The following ARHGAP23 variants were observed in gnomAD, a reference collection of about 807,000 sequenced individuals.
ARHGAP23 encodes the protein Rho GTPase activating protein 23, also known as rho GTPase-activating protein 23.
Under a neutral mutation model 136.3 loss-of-function variants are expected in ARHGAP23, and 34 were observed. That is an observed-to-expected ratio of 0.25 (90% CI 0.19 to 0.33). The LOEUF (loss-of-function observed/expected upper bound fraction) is 0.33, where lower values mean the gene tolerates loss of function less well. ARHGAP23 is among the 10% of genes least tolerant of loss of function. The pLI, the probability that ARHGAP23 is intolerant of heterozygous loss-of-function variation, is 1.00. For synonymous variants in ARHGAP23, 832 were observed against 920.5 expected, an observed-to-expected ratio of 0.90 and a Z score of 1.74; for missense variants, 1,808 against 2,139.0, an observed-to-expected ratio of 0.85 and a Z score of 3.05.
intron 18 of ARHGAP23, 36 bp downstream of exon 18, chr17:38,490,211 G>C: frequency 6.5e-7 from 1 of 1,540,636 alleles, no homozygotes; most frequent in Non-Finnish European, 8.8e-7. Context: ...CACGAGGTGG[G>C]GCAGCTGCCT....
chr17:38,474,244 C>T (rs865865763), intron 11 of ARHGAP23, among the ~76,000 whole-genome samples: 9 of 152,168 alleles, frequency 5.9e-5, no homozygotes, highest in Non-Finnish European at 1.2e-4. Context: ...TAAATGTGGG[C>T]TGGGGATGGC....
At position 38,510,442 on chromosome 17, in the gene ARHGAP23, G is replaced by A. The variant is rs1173895889; in HGVS notation, c.3946G>A (p.Asp1316Asn). Residue 1316 changes from aspartate (D) to asparagine (N), a missense_variant, in exon 24 of 24, where the codon GAC (aspartate) becomes AAC (asparagine). Physicochemically the swap from Asp to Asn is conservative, Grantham distance 23. Around this residue, in one of 7 missense-constraint regions of ARHGAP23, gnomAD observed 506 missense variants for 455.8 expected, o/e 1.11. Transcript: ENST00000622683. This position sits in a 1 kb window ranked among gnomAD's most constrained non-coding sequence, Gnocchi z 4.6. ...SFSSHHLMPCDTLARRRLARG... is the reference protein window; with the variant it reads ...SFSSHHLMPCNTLARRRLARG... The stretch of plus-strand genomic sequence containing the variant: ...CAGCTCGCACCACCTCATGCCCTGC[G>A]ACACTCTGGCGCGCCGCCGCCTGGC... 9 of 1,217,566 alleles carry A rather than the reference G, an allele frequency of 7.4e-6. No individual in the cohort carries two copies. Among genetic ancestry groups the A allele is most frequent in the Non-Finnish European group, 8.2e-6 (8 of 979,454 alleles). The allele number at this position is 1,217,566 out of a possible 1,614,324, so 75.4% of individuals were successfully genotyped here.
intron 1 of ARHGAP23, among the ~76,000 whole-genome samples, chr17:38,457,075 AATTTTTGT>A (rs2039342944): frequency 6.6e-6 from 1 of 152,156 alleles, no homozygotes; most frequent in Non-Finnish European, 1.5e-5. Flanking sequence ...ATGCCCGGCT[AATTTTTGT>A]ATTTTTGGTA....
chr17:38,498,351 C>T, intron 21 of ARHGAP23, 63 bp from the exon 22 acceptor site: 1 of 1,377,976 alleles, frequency 7.3e-7, no homozygotes, highest in South Asian at 1.3e-5. Flanking sequence ...GGGCACCCCC[C>T]TCTGGGGGGT....
intron 20 of ARHGAP23, among the ~76,000 whole-genome samples, chr17:38,493,782 G>A (rs1195915501): frequency 6.6e-6 from 1 of 152,216 alleles, no homozygotes; most frequent in Non-Finnish European, 1.5e-5. Context: ...GACTTGCCCA[G>A]GGCCACGCAG....
intron 23 of ARHGAP23, among the ~76,000 whole-genome samples, chr17:38,504,023 AG>A (rs893179126): frequency 6.6e-6 from 1 of 152,192 alleles, no homozygotes; most frequent in African/African-American, 2.4e-5. Context: ...TGGGGAACCA[AG>A]GCTCAGAGAA....
chr17:38,441,745 G>A (rs767105197), intron 1 of ARHGAP23, among the ~76,000 whole-genome samples: 21 of 152,168 alleles, frequency 1.4e-4, no homozygotes, highest in Non-Finnish European at 2.5e-4. Flanking sequence ...AAGGGAAGAA[G>A]GGGACGGGGA....
chr17:38,482,502 A>G, intron 15 of ARHGAP23, 21 bp from the exon 16 acceptor site: 1 of 1,522,686 alleles, frequency 6.6e-7, no homozygotes, highest in Non-Finnish European at 8.9e-7. Context: ...CCCCCCTAAC[A>G]CCCCTCCCAT....
rs12952572 is a variant in ARHGAP23, at chr17:38,479,407, A to G, written c.2437-29A>G. On this transcript the variant is annotated intron_variant, in intron 12 of 23. Coordinates refer to ENST00000622683, the MANE Select transcript of ARHGAP23 (RefSeq NM_001199417.2). ...GGGTGGGCTGGCTGTGGGCACTGAC[A>G]TGATCCGCTCTCTCCTCTCCTGCTT... 921 of 1,535,330 alleles carry G rather than the reference A, an allele frequency of 6.0e-4. 7 individuals carry two copies. The African/African-American group carries it at 0.011, about 19-fold the overall frequency.
Position 38,419,903 on chromosome 17 carries a change from G to A in ARHGAP23, n.120+504G>A, listed in dbSNP as rs559424019. 1.1e-4 allele frequency among the ~76,000 whole-genome samples: 16 copies of A among 152,246 alleles called. No individual in the cohort carries two copies. The South Asian group carries it at 3.3e-3, about 32-fold the overall frequency. ...CCTACACATCAAGGGGTTTCTTCCA[G>A]CCCGGCTCCCCTCCTTTCCCAGTCA... On this transcript the variant is annotated intron_variant and non_coding_transcript_variant, in intron 1 of 4. Transcript: ENST00000633445.
At chr17:38,421,084 A>T (rs1349161184) in intron 1 of ARHGAP23, among the ~76,000 whole-genome samples, 1 of 151,998 alleles carries the variant, frequency 6.6e-6, no homozygotes, top group African/African-American at 2.4e-5. Context: ...TGTTCTGGGG[A>T]TCAGCCGCTT....
In ARHGAP23 at chr17:38,478,233, G is replaced by A. The variant is rs372090985; in HGVS notation, c.2436+337G>A. Among the ~76,000 whole-genome samples the A allele has an allele frequency of 1.3e-3, 202 of 152,276 alleles. 5 individuals are homozygous for A. Among genetic ancestry groups the A allele is most frequent in the Admixed American group, 0.013 (198 of 15,302 alleles). ...CCAGTCTCAGCTTTTCTCAGCAGGC[G>A]AGGAAGGCAGGGGCCTCCTATGGAG... On this transcript the variant is annotated intron_variant, in intron 12 of 23. Coordinates refer to ENST00000622683, the MANE Select transcript of ARHGAP23 (RefSeq NM_001199417.2).
At chr17:38,485,146 T>A (rs2040132174) in intron 16 of ARHGAP23, among the ~76,000 whole-genome samples, 1 of 151,986 alleles carries the variant, frequency 6.6e-6, no homozygotes, top group African/African-American at 2.4e-5. Context: ...TCAGTGGACA[T>A]TTTGGGAAGA....
chr17:38,498,478 G>T lies in ARHGAP23; in HGVS notation c.3383G>T (p.Gly1128Val). Reference protein sequence around the residue: ...PNIEYLLPNIGRTVPPGDPGS... With the variant: ...PNIEYLLPNIVRTVPPGDPGS... ...ATTGAGTACCTCCTGCCCAACATTG[G>T]CAGGACAGTGCCCCCTGGCGACCCG... Residue 1128 changes from glycine (G) to valine (V), a missense_variant, in exon 22 of 24, where the codon GGC becomes GTC. Physicochemically the swap from Gly to Val is moderately radical, Grantham distance 109. This residue lies in a region of ARHGAP23 where 104 missense variants were observed against 131.8 expected (regional missense o/e 0.79). Coordinates refer to ENST00000622683, the MANE Select transcript of ARHGAP23 (RefSeq NM_001199417.2). 1 of 1,548,478 alleles carries T rather than the reference G, an allele frequency of 6.5e-7. No homozygotes were observed. Among genetic ancestry groups the T allele is most frequent in the Non-Finnish European group, 8.7e-7 (1 of 1,146,254 alleles).
Position 38,510,928 on chromosome 17 carries a change from C to G in ARHGAP23, c.4432C>G (p.Pro1478Ala). 1 of 1,472,792 alleles carries G rather than the reference C, an allele frequency of 6.8e-7. No homozygotes were observed. Among genetic ancestry groups the G allele is most frequent in the Non-Finnish European group, 8.9e-7 (1 of 1,123,320 alleles). The allele number at this position is 1,472,792 out of a possible 1,614,324, so 91.2% of individuals were successfully genotyped here. Residue 1478 changes from proline to alanine, a missense_variant, in exon 24 of 24, where the codon CCC becomes GCC. By Grantham distance (27) the Pro-to-Ala change is conservative (BLOSUM62 -1). Coordinates refer to ENST00000622683, the MANE Select transcript of ARHGAP23 (RefSeq NM_001199417.2). The surrounding 1 kb of genome is among the most constrained non-coding windows in gnomAD (Gnocchi z 4.6). The part of the protein sequence containing the change: ...PGDTGSLQSQ[P>A]PRRSAASRLH... The stretch of plus-strand genomic sequence containing the variant: ...GGACACGGGGTCCCTGCAGAGCCAG[C>G]CCCCGCGCCGCTCGGCCGCCTCCCG...
At chr17:38,420,141 G>A (rs1273966974) in intron 1 of ARHGAP23, among the ~76,000 whole-genome samples, 1 of 152,186 alleles carries the variant, frequency 6.6e-6, no homozygotes, top group Admixed American at 6.5e-5. Context: ...TCTGGTCAGA[G>A]TTCTCATTCC....
chr17:38,508,665 G>A (rs1181203292), intron 23 of ARHGAP23, among the ~76,000 whole-genome samples: 5 of 152,208 alleles, frequency 3.3e-5, no homozygotes, highest in African/African-American at 7.2e-5. Flanking sequence ...AGGGCCTGCC[G>A]GAGGAGGAGG....
chr17:38,462,872 C>T lies in ARHGAP23; in HGVS notation c.280C>T (p.Pro94Ser), dbSNP rs2039494150. 2 of 1,530,622 alleles carry T rather than the reference C, an allele frequency of 1.3e-6. No individual in the cohort carries two copies. Among genetic ancestry groups the T allele is most frequent in the Non-Finnish European group, 8.8e-7 (1 of 1,140,650 alleles). The allele number at this position is 1,530,622 out of a possible 1,614,324, so 94.8% of individuals were successfully genotyped here. Reference sequence around the variant, plus strand: ...ACCCTCCCCCCGGTACCGCCTGGAGCCCATGGACACCATCTTTGTCAAGAA... The same window carrying T: ...ACCCTCCCCCCGGTACCGCCTGGAGTCCATGGACACCATCTTTGTCAAGAA... Reference protein sequence around the residue: ...GGPSPRYRLEPMDTIFVKNVK... With the variant: ...GGPSPRYRLESMDTIFVKNVK... The change falls in exon 4 of 24, where the codon CCC (proline) becomes TCC (serine). Residue 94 changes from proline to serine, a missense_variant. Pro to Ser is a moderately conservative substitution (Grantham distance 74). Coordinates refer to ENST00000622683, the MANE Select transcript of ARHGAP23 (RefSeq NM_001199417.2).
intron 1 of ARHGAP23, among the ~76,000 whole-genome samples, chr17:38,436,327 G>C (rs1234039662): frequency 6.6e-6 from 1 of 152,182 alleles, no homozygotes; most frequent in African/African-American, 2.4e-5. Context: ...GCTAGGGAAA[G>C]CCTTATCTGA....
Sources: gnomAD v4.1 joint callset for allele counts (sites outside exome capture counted in the v4.1 genomes callset) on GRCh38, gnomAD v4.1.1 for gene constraint, gnomAD v4.1.1 regional missense constraint, Gnocchi (gnomAD v3.1) non-coding constraint, MANE v1.5 for transcripts, NCBI Gene and HGNC (gene_info 2026-07-23, HGNC 2026-07-21) for gene names.